The following MEGF11 variants were observed in gnomAD, a reference collection of about 807,000 sequenced individuals.
MEGF11 encodes the protein multiple EGF like domains 11.
In MEGF11, 126 loss-of-function variants were observed where a neutral mutation model predicts 146.6. The ratio of observed to expected loss-of-function variants is 0.86; its 90% CI spans 0.74 to 1.00. The LOEUF (loss-of-function observed/expected upper bound fraction) is 1.00, where lower values mean the gene tolerates loss of function less well. MEGF11 is among the 50% of genes least tolerant of loss of function. The probability of loss-of-function intolerance (pLI) is 0.00; values close to 1 mark genes in which losing one functional copy is unlikely to be tolerated. For synonymous variants in MEGF11, 532 were observed against 583.4 expected (o/e 0.91, Z 1.27); for missense variants, 1,509 against 1,521.2 (o/e 0.99, Z 0.13).
At chr15:66,158,893 A>T (rs942572800) in intron 1 of MEGF11, among the ~76,000 whole-genome samples, 2 of 152,224 alleles carry the variant, frequency 1.3e-5, no homozygotes, top group African/African-American at 4.8e-5. Context: ...AAAGTCCTCC[A>T]TGCAGTAGCT....
chr15:66,215,713 G>A (rs751561868), intron 1 of MEGF11, among the ~76,000 whole-genome samples: 8 of 152,152 alleles, frequency 5.3e-5, no homozygotes, highest in Non-Finnish European at 1.2e-4. Flanking sequence ...CAGTGGGTTG[G>A]GATAAACAGT....
intron 4 of MEGF11, among the ~76,000 whole-genome samples, chr15:66,108,223 C>T (rs948809253): frequency 5.3e-5 from 8 of 152,152 alleles, no homozygotes; most frequent in African/African-American, 1.2e-4. Context: ...CCCTGCGGAA[C>T]GCACCTGGAG....
At chr15:65,922,996 AGTGGTAAGAGAG>A in intron 13 of MEGF11, 27 bp from the exon 14 acceptor site, 1 of 1,607,758 alleles carries the variant, frequency 6.2e-7, no homozygotes, top group Non-Finnish European at 8.5e-7. Flanking sequence ...GACTCGGGTC[AGTGGTAAGAGAG>A]GTGAGGATGA....
intron 1 of MEGF11, among the ~76,000 whole-genome samples, chr15:66,238,842 G>A (rs368932534): frequency 6.5e-5 from 8 of 122,206 alleles, no homozygotes; most frequent in East Asian, 4.7e-4. Flanking sequence ...CCTGCTTTCC[G>A]CCACATCGCT....
rs564043040 is a variant in MEGF11, at chr15:66,076,515, C to A, written c.394+17887G>T. Among the ~76,000 whole-genome samples, 3 of 152,308 alleles carry A rather than the reference C, an allele frequency of 2.0e-5. No homozygotes were observed. In the South Asian group the frequency reaches 6.2e-4, roughly 32 times the overall value. On this transcript the variant is annotated intron_variant, in intron 5 of 25. Transcript: ENST00000395614. ...ATGGGTTTTCCTTATTAGAGGGTGA[C>A]AGAGTCTCCAGTTCTGCCACTGCCT...
chr15:66,172,476 G>A (rs965425858), intron 1 of MEGF11, among the ~76,000 whole-genome samples: 1 of 152,168 alleles, frequency 6.6e-6, no homozygotes, highest in African/African-American at 2.4e-5. Context: ...AGATCGGAGG[G>A]AGGGGCGTGA....
intron 4 of MEGF11, among the ~76,000 whole-genome samples, chr15:66,100,452 C>T (rs1021990245): frequency 6.6e-6 from 1 of 152,152 alleles, no homozygotes; most frequent in African/African-American, 2.4e-5. Flanking sequence ...GAGAACAGAC[C>T]GGGAGCCAGG....
At chr15:66,102,983 C>A (rs2086889116) in intron 4 of MEGF11, among the ~76,000 whole-genome samples, 1 of 152,246 alleles carries the variant, frequency 6.6e-6, no homozygotes, top group Non-Finnish European at 1.5e-5. Flanking sequence ...CTTCCCAAGC[C>A]TTTTCACAAG....
At chr15:66,118,186 C>A (rs199919725) in intron 4 of MEGF11, among the ~76,000 whole-genome samples, 5 of 151,942 alleles carry the variant, frequency 3.3e-5, no homozygotes, top group African/African-American at 4.8e-5. Flanking sequence ...GTAGAGGGAA[C>A]CTTCTAAGGC....
intron 1 of MEGF11, among the ~76,000 whole-genome samples, chr15:66,225,069 G>A (rs1222076929): frequency 6.6e-6 from 1 of 152,224 alleles, no homozygotes; most frequent in Non-Finnish European, 1.5e-5. Context: ...CCTGAGACAA[G>A]GAGGCAGTGT....
In MEGF11 at chr15:65,918,009, G is replaced by A. The variant is rs778908556; in HGVS notation, c.2043C>T (p.Ser681=). Residue 681 remains serine (S), a synonymous_variant, in exon 16 of 26, where the codon TCC becomes TCT. Coordinates refer to ENST00000395614, the MANE Select transcript of MEGF11 (RefSeq NM_001385028.1). ...CAATCCATCCAGGAAAGCACTGGCA[G>A]GAGCCATCGATAGGGCTGCAGGTCC... The part of the protein sequence containing the change: ...NNGTCSPIDG[S]CQCFPGWIGK... 3.1e-6 allele frequency: 5 copies of A among 1,614,024 alleles called. No homozygotes were observed. In the East Asian group the frequency reaches 1.1e-4, roughly 36 times the overall value.
chr15:66,230,935 C>G (rs1038750244), intron 1 of MEGF11, among the ~76,000 whole-genome samples: 2 of 152,202 alleles, frequency 1.3e-5, no homozygotes, highest in African/African-American at 4.8e-5. Flanking sequence ...ACCAGAGAGG[C>G]AGCGTTCCCA....
At chr15:66,160,650 C>G (rs979568850) in intron 1 of MEGF11, among the ~76,000 whole-genome samples, 2 of 144,078 alleles carry the variant, frequency 1.4e-5, no homozygotes. Flanking sequence ...AGGCACTGCT[C>G]TAGGCCCTAA....
At chr15:66,252,766 G>A (rs368555209) in intron 1 of MEGF11, among the ~76,000 whole-genome samples, 35 of 152,286 alleles carry the variant, frequency 2.3e-4, no homozygotes, top group African/African-American at 8.4e-4. Flanking sequence ...GGCTGCGCTC[G>A]GCAGCTCCAA....
chr15:66,060,486 G>T (rs533258040), intron 5 of MEGF11, among the ~76,000 whole-genome samples: 3 of 152,176 alleles, frequency 2.0e-5, no homozygotes, highest in African/African-American at 7.2e-5. Flanking sequence ...ACGCCTTTGC[G>T]CAGAAGCCTC....
At chr15:65,926,169 G>C (rs1357434870) in intron 13 of MEGF11, among the ~76,000 whole-genome samples, 1 of 152,198 alleles carries the variant, frequency 6.6e-6, no homozygotes, top group Non-Finnish European at 1.5e-5. Flanking sequence ...CAATATAAAG[G>C]CTTGGTAATT....
At chr15:66,131,770 A>G (rs1205057973) in intron 1 of MEGF11, among the ~76,000 whole-genome samples, 1 of 152,226 alleles carries the variant, frequency 6.6e-6, no homozygotes, top group Non-Finnish European at 1.5e-5. Context: ...ATTTTAGCAT[A>G]GCTTAGACTC....
chr15:66,097,467 G>T (rs1032822933), intron 4 of MEGF11, among the ~76,000 whole-genome samples: 19 of 152,172 alleles, frequency 1.2e-4, no homozygotes, highest in Non-Finnish European at 1.9e-4. Context: ...CCTGGGAGGG[G>T]TTGGGTTAGG....
At chr15:65,947,538 T>G (rs2141417398) in intron 10 of MEGF11, among the ~76,000 whole-genome samples, 1 of 152,254 alleles carries the variant, frequency 6.6e-6, no homozygotes, top group East Asian at 1.9e-4. Flanking sequence ...TTAAACACAA[T>G]GTACATAGAA....
Sources: allele counts gnomAD v4.1 joint callset (sites outside exome capture counted in the v4.1 genomes callset), GRCh38; gene constraint gnomAD v4.1.1; transcripts MANE v1.5; gene names NCBI Gene and HGNC (gene_info 2026-07-23, HGNC 2026-07-21).